The following A2ML1 variants were observed in gnomAD, a reference collection of about 807,000 sequenced individuals.
The protein encoded by A2ML1 is alpha-2-macroglobulin-like protein 1.
Under a neutral mutation model 181.9 loss-of-function variants are expected in A2ML1, and 161 were observed. That is an observed-to-expected ratio of 0.89 (90% CI 0.78 to 1.01). The LOEUF is 1.01. A2ML1 is among the 50% of genes least tolerant of loss of function. The probability of loss-of-function intolerance (pLI) is 0.00; values close to 1 mark genes in which losing one functional copy is unlikely to be tolerated. For synonymous variants in A2ML1, 663 were observed against 666.8 expected (o/e 0.99, Z 0.09); for missense variants, 1,670 against 1,768.1 (o/e 0.94, Z 1.00).
intron 5 of A2ML1, 40 bp from the exon 6 acceptor site, chr12:8,835,467 C>A (rs748474883): frequency 1.9e-6 from 3 of 1,609,956 alleles, no homozygotes; most frequent in African/African-American, 1.3e-5. Context: ...GAGTGGGAAG[C>A]AAACGGGCAG....
At chr12:8,827,281 A>T (rs758113941) in intron 3 of A2ML1, among the ~76,000 whole-genome samples, 1 of 152,276 alleles carries the variant, frequency 6.6e-6, no homozygotes, top group East Asian at 1.9e-4. Flanking sequence ...CGGAGGTCAC[A>T]TGAGCCAAGA....
chr12:8,880,692 A>G (rs1944862429), downstream of A2ML1: 1 of 152,242 alleles, frequency 6.6e-6, no homozygotes, highest in African/African-American at 2.4e-5. Context: ...TGATAGAATC[A>G]GGAAGACTTA....
At chr12:8,842,778 C>T (rs1943535133) in intron 11 of A2ML1, among the ~76,000 whole-genome samples, 1 of 152,174 alleles carries the variant, frequency 6.6e-6, no homozygotes, top group South Asian at 2.1e-4. Flanking sequence ...ATCTTAGTGT[C>T]TTCTGTGCCT....
At chr12:8,884,241 GTTTTGTTTTTT>G (rs1325663406) in intron 7 of A2ML1, among the ~76,000 whole-genome samples, 3 of 108,970 alleles carry the variant, frequency 2.8e-5, no homozygotes, top group Non-Finnish European at 6.2e-5. Flanking sequence ...GTTTTTTTTT[GTTTTGTTTTTT>G]TTTAACTATT....
intron 11 of A2ML1, among the ~76,000 whole-genome samples, chr12:8,841,776 C>A (rs975286118): frequency 1.3e-5 from 2 of 152,024 alleles, no homozygotes; most frequent in Non-Finnish European, 2.9e-5. Flanking sequence ...TTTAACTTAC[C>A]CCCATCTCTA....
intron 13 of A2ML1, among the ~76,000 whole-genome samples, chr12:8,845,723 C>G (rs1202768812): frequency 5.9e-5 from 9 of 151,568 alleles, no homozygotes; most frequent in East Asian, 1.9e-4. Flanking sequence ...CGGGGCGGGC[C>G]CCTGTAGTCC....
intron 7 of A2ML1, among the ~76,000 whole-genome samples, chr12:8,884,385 A>C (rs1944901544): frequency 6.6e-6 from 1 of 150,922 alleles, no homozygotes; most frequent in Non-Finnish European, 1.5e-5. Flanking sequence ...TAAGCCCAGT[A>C]CCCAATAGTT....
At position 8,851,926 on chromosome 12, in the gene A2ML1, G is replaced by T; in HGVS notation, c.2377G>T (p.Asp793Tyr). ...AACTGCTTTCAAGCCGTTCTTTGTT[G>T]ACCTGACTCTCCCTTACTCAGTAGT... is the stretch of plus-strand genomic sequence containing the variant. ...GLTAFKPFFV[D>Y]LTLPYSVVRG... Residue 793 changes from aspartate to tyrosine, a missense_variant, in exon 19 of 36, where the codon GAC becomes TAC. Coordinates refer to ENST00000299698, the MANE Select transcript of A2ML1 (RefSeq NM_144670.6). 1 of 1,614,136 alleles carries T rather than the reference G, an allele frequency of 6.2e-7. No homozygotes were observed. The highest frequency in any genetic ancestry group is 8.5e-7 in the Non-Finnish European group (1 of 1,180,028).
intron 5 of A2ML1, 156 bp downstream of exon 5, chr12:8,834,838 C>T: frequency 2.5e-6 from 2 of 797,472 alleles, no homozygotes; most frequent in South Asian, 3.6e-5. Flanking sequence ...TAAGCTGTGC[C>T]TGCTTTCTTG....
intron 31 of A2ML1, 80 bp from the exon 32 acceptor site, chr12:8,868,457 C>T (rs200812028): frequency 3.7e-5 from 53 of 1,443,322 alleles, no homozygotes; most frequent in African/African-American, 1.8e-4. Context: ...TGTGTGTGTA[C>T]GTGTGTGTGT....
In A2ML1 at chr12:8,837,475, A is replaced by C. The variant is rs979879565; in HGVS notation, c.764A>C (p.Gln255Pro). 3.1e-6 allele frequency: 5 copies of C among 1,614,110 alleles called. No individual in the cohort carries two copies. The African/African-American group carries it at 4.0e-5, about 13-fold the overall frequency. ...GGAAAGCCCATGCTAGGGGCAGTGC[A>C]GGTATCTGTGTGTCAGAAGGCAAAT... Reference protein sequence around the residue: ...TYGKPMLGAVQVSVCQKANTY... With the variant: ...TYGKPMLGAVPVSVCQKANTY... The change falls in exon 8 of 36, where the codon CAG becomes CCG. Residue 255 changes from glutamine (Q) to proline (P), a missense_variant. By Grantham distance (76) the Gln-to-Pro change is moderately conservative. Transcript: ENST00000299698.
chr12:8,875,734 C>T (rs941002635), intron 35 of A2ML1: 1 of 152,012 alleles, frequency 6.6e-6, no homozygotes, highest in East Asian at 1.9e-4. Context: ...CCACTGTGCC[C>T]GGCCTGTCCT....
In A2ML1 at chr12:8,851,995, C is replaced by T; in HGVS notation, c.2446C>T (p.Leu816=). The T allele has an allele frequency of 6.2e-7, 1 of 1,614,116 alleles. No homozygotes were observed. Among genetic ancestry groups the T allele is most frequent in the South Asian group, 1.1e-5 (1 of 91,082 alleles). Residue 816 remains leucine (L), a synonymous_variant, in exon 19 of 36, where the codon CTA becomes TTA. Coordinates refer to ENST00000299698, the MANE Select transcript of A2ML1 (RefSeq NM_144670.6). ...TCTTACTGCCACCATCTTCAATTAC[C>T]TAAAGGATTGCATCAGGGTGAGAGC... ...FRLTATIFNY[L]KDCIRVQTDL...
At chr12:8,824,836 G>C (rs768117209) in intron 3 of A2ML1, among the ~76,000 whole-genome samples, 26 of 152,200 alleles carry the variant, frequency 1.7e-4, no homozygotes, top group Admixed American at 5.9e-4. Context: ...TGAGAACATG[G>C]AAAGTTTGTC....
chr12:8,839,366 T>C, intron 10 of A2ML1, 144 bp downstream of exon 10: 1 of 555,476 alleles, frequency 1.8e-6, no homozygotes, highest in Non-Finnish European at 3.2e-6. Context: ...AATAATGCAA[T>C]GAGGCAGGCA....
intron 33 of A2ML1, among the ~76,000 whole-genome samples, chr12:8,872,419 A>G (rs149177505): frequency 3.9e-5 from 6 of 152,172 alleles, no homozygotes; most frequent in African/African-American, 1.4e-4. Context: ...ATCTTAAAAT[A>G]TTTATTAATT....
chr12:8,841,024 A>ACGG (rs201444357), intron 10 of A2ML1, among the ~76,000 whole-genome samples: 2 of 151,844 alleles, frequency 1.3e-5, no homozygotes, highest in East Asian at 1.9e-4. Context: ...GGAAGGAAGG[A>ACGG]AGGAAGGAAG....
intron 7 of A2ML1, 92 bp downstream of exon 7, chr12:8,836,431 C>A: frequency 9.4e-7 from 1 of 1,067,958 alleles, no homozygotes; most frequent in Non-Finnish European, 1.4e-6. Flanking sequence ...TATGGGTGGG[C>A]CAAAACTTGG....
At chr12:8,844,350 C>T (rs1943595506) in intron 12 of A2ML1, among the ~76,000 whole-genome samples, 1 of 151,428 alleles carries the variant, frequency 6.6e-6, no homozygotes, top group African/African-American at 2.4e-5. Context: ...GATCTGCCCA[C>T]CTTGGCCTCC....
Sources: allele counts gnomAD v4.1 joint callset (sites outside exome capture counted in the v4.1 genomes callset), GRCh38; gene constraint gnomAD v4.1.1; transcripts MANE v1.5; gene names NCBI Gene and HGNC (gene_info 2026-07-23, HGNC 2026-07-21).